Variants in RNF17 observed in about 807,000 individuals in gnomAD.
The protein encoded by RNF17 is spermatogenesis associated 23.
In RNF17, 31 loss-of-function variants were observed where a neutral mutation model predicts 200.5. The ratio of observed to expected loss-of-function variants is 0.15; its 90% CI spans 0.12 to 0.21. RNF17 has a LOEUF of 0.21. RNF17 is among the 10% of genes least tolerant of loss of function. The probability of loss-of-function intolerance (pLI) is 1.00; values close to 1 mark genes in which losing one functional copy is unlikely to be tolerated. For missense variants in RNF17, 1,628 were observed against 1,905.1 expected, an observed-to-expected ratio of 0.85 and a Z score of 2.71; for synonymous variants, 606 against 637.8, an observed-to-expected ratio of 0.95 and a Z score of 0.75.
At chr13:24,867,895 ACTTATT>A (rs55900912) in intron 30 of RNF17, among the ~76,000 whole-genome samples, 35,077 of 152,016 alleles carry the variant, frequency 0.23, 4,497 homozygotes, top group Non-Finnish European at 0.29. Flanking sequence ...TATTAGAAGT[ACTTATT>A]CTTAAATACA....
In RNF17 at chr13:24,793,088, T is replaced by C. The variant is rs1432760835; in HGVS notation, c.982T>C (p.Tyr328His). The change falls in exon 10 of 36, where the codon TAT becomes CAT. Residue 328 changes from tyrosine (Y) to histidine (H), a missense_variant. By Grantham distance (83) the Tyr-to-His change is moderately conservative. Transcript: ENST00000255324. ...AATTAGACAGAATGTTCAAAAGAAA[T>C]ATAATAACAAAAAGGAACTTTCTTG... ...NEIRQNVQKK[Y>H]NNKKELSCYD... 1.9e-6 allele frequency: 3 copies of C among 1,595,632 alleles called. No homozygotes were observed. The highest frequency in any genetic ancestry group is 1.1e-5 in the South Asian group (1 of 87,352).
chr13:24,795,564 C>T (rs1884468024), intron 10 of RNF17, among the ~76,000 whole-genome samples: 1 of 151,966 alleles, frequency 6.6e-6, no homozygotes, highest in Non-Finnish European at 1.5e-5. Context: ...TTTACCTCTA[C>T]TCACCCCACC....
rs750756750 is a variant in RNF17, at chr13:24,859,205, G to T, written c.3774+41G>T. 7 of 1,468,292 alleles carry T rather than the reference G, an allele frequency of 4.8e-6. No individual in the cohort carries two copies. The African/African-American group carries it at 9.8e-5, about 21-fold the overall frequency. 91.0% of individuals were successfully genotyped at this position (1,468,292 alleles called of 1,614,324 possible). A position where few individuals can be genotyped will look rare whatever the true frequency, so the allele number is the denominator to read the frequency against. On this transcript the variant is annotated intron_variant, in intron 26 of 35. Coordinates refer to ENST00000255324, the MANE Select transcript of RNF17 (RefSeq NM_031277.3). ...TTTTGTGACAATTCTAAAGCTAAAT[G>T]CTATAGCATTAAATAGTCTTGTGCA... is the stretch of plus-strand genomic sequence containing the variant.
At chr13:24,753,900 T>A in the RNF17 span, among the ~76,000 whole-genome samples, 3 of 152,192 alleles carry the variant, frequency 2.0e-5, no homozygotes, top group Non-Finnish European at 4.4e-5. Context: ...CTCATGCCTG[T>A]AATCCCAGCT....
chr13:24,812,347 C>T (rs553189017), intron 15 of RNF17, among the ~76,000 whole-genome samples: 86 of 151,214 alleles, frequency 5.7e-4, no homozygotes, highest in African/African-American at 1.0e-3. Context: ...TCTCCTGGCG[C>T]GCCATTTTTT....
intron 3 of RNF17, among the ~76,000 whole-genome samples, 176 bp from the exon 4 acceptor site, chr13:24,778,119 G>T (rs753069066): frequency 1.3e-5 from 2 of 152,084 alleles, no homozygotes; most frequent in Non-Finnish European, 2.9e-5. Flanking sequence ...AAAATTAGCC[G>T]AGTGTGGTGG....
At chr13:24,836,409 A>G (rs1019733346) in intron 18 of RNF17, among the ~76,000 whole-genome samples, 4 of 152,226 alleles carry the variant, frequency 2.6e-5, no homozygotes, top group Admixed American at 6.5e-5. Flanking sequence ...ACACATTGTC[A>G]TCAGGTTATC....
intron 15 of RNF17, among the ~76,000 whole-genome samples, chr13:24,811,053 T>G: frequency 6.6e-6 from 1 of 152,120 alleles, no homozygotes; most frequent in Non-Finnish European, 1.5e-5. Context: ...AACCCGACCT[T>G]TCTCTCTGGC....
At chr13:24,761,413 G>A (rs1878731057), upstream of RNF17, among the ~76,000 whole-genome samples, 1 of 152,220 alleles carries the variant, frequency 6.6e-6, no homozygotes, top group Non-Finnish European at 1.5e-5. Flanking sequence ...CTCTGTGACT[G>A]CATAGTTCTA....
chr13:24,844,516 C>G, intron 20 of RNF17, 136 bp from the exon 21 acceptor site: 1 of 694,870 alleles, frequency 1.4e-6, no homozygotes, highest in Non-Finnish European at 2.4e-6. Flanking sequence ...GGAAGAAATA[C>G]ACTTGTACAT....
downstream of RNF17, chr13:24,884,092 A>T: frequency 6.4e-7 from 1 of 1,569,010 alleles, no homozygotes; most frequent in Middle Eastern, 1.7e-4. Context: ...TTCTGTTTAA[A>T]AAGTTGTTAC....
chr13:24,820,123 T>A (rs1402844904), intron 15 of RNF17, among the ~76,000 whole-genome samples: 2 of 4,808 alleles, frequency 4.2e-4, no homozygotes, highest in Non-Finnish European at 8.8e-4. Context: ...TCTTTTTTCT[T>A]TTTTTTTTTT....
At chr13:24,883,055 T>C, downstream of RNF17, 1 of 906,258 alleles carries the variant, frequency 1.1e-6, no homozygotes, top group Non-Finnish European at 1.8e-6. Flanking sequence ...AGGGTAAACT[T>C]TTATTTTAGA....
chr13:24,807,131 C>A (rs1328780603), intron 15 of RNF17, among the ~76,000 whole-genome samples: 5 of 151,730 alleles, frequency 3.3e-5, no homozygotes, highest in Non-Finnish European at 7.4e-5. Context: ...GTCTTTATAG[C>A]AGCATGATTT....
chr13:24,862,608 C>T (rs1893208821), intron 27 of RNF17, 105 bp from the exon 28 acceptor site: 1 of 688,684 alleles, frequency 1.5e-6, no homozygotes, highest in Non-Finnish European at 2.7e-6. Context: ...TTTTGTACTA[C>T]TATCTGATAT....
At chr13:24,816,453 T>C (rs1887420949) in intron 15 of RNF17, among the ~76,000 whole-genome samples, 1 of 152,162 alleles carries the variant, frequency 6.6e-6, no homozygotes, top group Non-Finnish European at 1.5e-5. Flanking sequence ...ATCCCATAGC[T>C]GCTTACCACA....
chr13:24,883,563 GT>G (rs1392841952), downstream of RNF17, among the ~76,000 whole-genome samples: 5 of 152,070 alleles, frequency 3.3e-5, no homozygotes, highest in Admixed American at 2.0e-4. Context: ...GATTAGCATT[GT>G]TTTAATCATT....
At chr13:24,799,318 A>G (rs552708159) in intron 11 of RNF17, 77 bp from the exon 12 acceptor site, 2 of 1,094,486 alleles carry the variant, frequency 1.8e-6, no homozygotes, top group Admixed American at 4.3e-5. Flanking sequence ...TTCGTGGTAG[A>G]ACTAACGTGT....
intron 25 of RNF17, among the ~76,000 whole-genome samples, chr13:24,854,950 C>T (rs141942257): frequency 3.4e-4 from 52 of 152,244 alleles, no homozygotes; most frequent in African/African-American, 1.1e-3. Context: ...CACTTGATCA[C>T]GTCTCCTGTT....
Sources: gnomAD v4.1 joint callset for allele counts (sites outside exome capture counted in the v4.1 genomes callset) on GRCh38, gnomAD v4.1.1 for gene constraint, MANE v1.5 for transcripts, NCBI Gene and HGNC (gene_info 2026-07-23, HGNC 2026-07-21) for gene names.